The following POU2F2 variants were observed in gnomAD, a reference collection of about 807,000 sequenced individuals.
POU2F2 encodes the protein POU class 2 homeobox 2.
POU2F2 carries 14 observed loss-of-function variants against 63.5 expected under a neutral mutation model. The observed-to-expected ratio is 0.22, with a 90% CI of 0.15 to 0.34. POU2F2 has a LOEUF of 0.34. POU2F2 is among the 10% of genes least tolerant of loss of function. The pLI is 1.00. For missense variants in POU2F2, 607 were observed against 815.2 expected (o/e 0.74, Z 3.11); for synonymous variants, 306 against 348.6 (o/e 0.88, Z 1.36).
At chr19:42,148,453 T>C (rs980622940) in intron 2 of POU2F2, among the ~76,000 whole-genome samples, 1 of 152,150 alleles carries the variant, frequency 6.6e-6, no homozygotes, top group African/African-American at 2.4e-5. Context: ...GGGATCTCTC[T>C]AACACAGAGA....
chr19:42,102,349 T>A (rs898800812), intron 5 of POU2F2, among the ~76,000 whole-genome samples: 1 of 152,234 alleles, frequency 6.6e-6, no homozygotes, highest in Non-Finnish European at 1.5e-5. Flanking sequence ...AGGGGGCTTC[T>A]GGGAGCTGGC....
intron 5 of POU2F2, chr19:42,116,886 GGCGGCGGCAGCGGCGTTAGCGGCA>G (rs2031962944): frequency 8.5e-6 from 4 of 471,258 alleles, no homozygotes; most frequent in African/African-American, 2.0e-5. Flanking sequence ...AGGCGGCGGC[GGCGGCGGCAGCGGCGTTAGCGGCA>G]GCGGCGGCAC....
chr19:42,142,278 C>T (rs1455514268), intron 2 of POU2F2, among the ~76,000 whole-genome samples: 9 of 152,112 alleles, frequency 5.9e-5, no homozygotes, highest in South Asian at 4.2e-4. Flanking sequence ...GCAACCTCTG[C>T]CTCCCGGGTT....
intron 2 of POU2F2, among the ~76,000 whole-genome samples, chr19:42,144,679 G>A (rs1599660390): frequency 6.6e-6 from 1 of 152,254 alleles, no homozygotes. Context: ...GCAGGCATAT[G>A]TTATGTGTAT....
In POU2F2 at chr19:42,096,440, C is replaced by T. The variant is rs148642440; in HGVS notation, c.568-197G>A. On this transcript the variant is annotated intron_variant, in intron 7 of 14. Coordinates refer to ENST00000692977, the MANE Select transcript of POU2F2 (RefSeq NM_001394376.1). The surrounding 1 kb of genome is among the most constrained non-coding windows in gnomAD (Gnocchi z 4.1). ...ATGCACTGTTAATCCCTTTAAAGGTCCGACTCTGCTGCCCTACATGGGTTT... is the reference window on the plus strand; with the variant it reads ...ATGCACTGTTAATCCCTTTAAAGGTTCGACTCTGCTGCCCTACATGGGTTT... Among the ~76,000 whole-genome samples the T allele has an allele frequency of 3.8e-4, 58 of 152,356 alleles. No homozygotes were observed. The highest frequency in any genetic ancestry group is 1.1e-3 in the African/African-American group (47 of 41,578).
chr19:42,092,369 G>T lies in POU2F2; in HGVS notation c.1265-99C>A. ...CTACTTGTCCTCCCGCCCAGCTCACGCAGCATCTCCTCAGTCAGAACAGCC... is the reference window on the plus strand; with the variant it reads ...CTACTTGTCCTCCCGCCCAGCTCACTCAGCATCTCCTCAGTCAGAACAGCC... On this transcript the variant is annotated intron_variant, in intron 12 of 14. Transcript: ENST00000692977. This position sits in a 1 kb window ranked among gnomAD's most constrained non-coding sequence, Gnocchi z 5.0. 1 of 905,626 alleles carries T rather than the reference G, an allele frequency of 1.1e-6. No homozygotes were observed. Among genetic ancestry groups the T allele is most frequent in the Non-Finnish European group, 1.8e-6 (1 of 562,774 alleles). The allele number at this position is 905,626 out of a possible 1,614,324, so 56.1% of individuals were successfully genotyped here.
At chr19:42,174,950 G>C (rs1392829951) in intron 1 of POU2F2, among the ~76,000 whole-genome samples, 3 of 152,212 alleles carry the variant, frequency 2.0e-5, no homozygotes, top group Non-Finnish European at 4.4e-5. Flanking sequence ...AGAAAGTGGG[G>C]AGTGGTCATC....
chr19:42,087,972 G>A lies in POU2F2; in HGVS notation c.*3285C>T, dbSNP rs911057289. On this transcript the variant is annotated 3_prime_UTR_variant, in exon 15 of 15. Coordinates refer to ENST00000692977, the MANE Select transcript of POU2F2 (RefSeq NM_001394376.1). Reference sequence around the variant, plus strand: ...ACCAGAGTGTAAGGGGCAGATGGGGGTGGGGGGCATGAATTCCCCCATCAC... The same window carrying A: ...ACCAGAGTGTAAGGGGCAGATGGGGATGGGGGGCATGAATTCCCCCATCAC... 5.2e-5 allele frequency: 8 copies of A among 152,388 alleles called. No homozygotes were observed. The East Asian group carries it at 1.5e-3, about 29-fold the overall frequency. The allele number at this position is 152,388 out of a possible 1,614,324, so 9.4% of individuals were successfully genotyped here.
intron 2 of POU2F2, among the ~76,000 whole-genome samples, chr19:42,151,873 A>G (rs1267583723): frequency 6.6e-6 from 1 of 152,228 alleles, no homozygotes; most frequent in Non-Finnish European, 1.5e-5. Flanking sequence ...GGAGGAAGCC[A>G]GAAGAGAAAA....
At chr19:42,125,907 G>T (rs1190088155) in intron 1 of POU2F2, among the ~76,000 whole-genome samples, 1 of 152,140 alleles carries the variant, frequency 6.6e-6, no homozygotes, top group Non-Finnish European at 1.5e-5. Flanking sequence ...CTCCCACCTA[G>T]CTGGGCATCC....
rs2076651871 is a variant in POU2F2, at chr19:42,089,641, C to CG, written c.*1615dup. The CG allele has an allele frequency of 6.6e-6, 1 of 151,694 alleles. No homozygotes were observed. Among genetic ancestry groups the CG allele is most frequent in the South Asian group, 2.1e-4 (1 of 4,792 alleles). 9.4% of individuals were successfully genotyped at this position (151,694 alleles called of 1,614,324 possible). On this transcript the variant is annotated 3_prime_UTR_variant, in exon 15 of 15. Transcript: ENST00000692977. ...CTTGGGGAACAAGGGCCTGGACCACCGGTGCAGGGGCTTGGCTCCGCCTCG... is the reference window on the plus strand; with the variant it reads ...CTTGGGGAACAAGGGCCTGGACCACCGGGTGCAGGGGCTTGGCTCCGCCTCG...
intron 1 of POU2F2, among the ~76,000 whole-genome samples, chr19:42,185,171 A>T (rs1291834523): frequency 1.3e-5 from 2 of 152,176 alleles, no homozygotes; most frequent in Admixed American, 1.3e-4. Context: ...GCTTTTTCTT[A>T]CAAAATGGGA....
Position 42,119,036 on chromosome 19 carries a change from C to T in POU2F2, c.187-1604G>A, listed in dbSNP as rs146365877. 5.3e-5 allele frequency among the ~76,000 whole-genome samples: 8 copies of T among 151,852 alleles called. No individual in the cohort carries two copies. The East Asian group carries it at 7.7e-4, about 15-fold the overall frequency. ...AAGTGTGGTGGTTCATGCCTGTAAT[C>T]GCAGCATTTTGGGAGGCTGAGGCAG... On this transcript the variant is annotated intron_variant, in intron 4 of 14. Transcript: ENST00000692977.
intron 2 of POU2F2, among the ~76,000 whole-genome samples, chr19:42,145,802 C>T: frequency 6.6e-6 from 1 of 152,116 alleles, no homozygotes; most frequent in Non-Finnish European, 1.5e-5. Context: ...GGCATGGTGG[C>T]ACACACCTGT....
intron 1 of POU2F2, among the ~76,000 whole-genome samples, chr19:42,124,618 A>T (rs1242687159): frequency 6.6e-6 from 1 of 152,238 alleles, no homozygotes; most frequent in Non-Finnish European, 1.5e-5. Context: ...CATGGGCAGA[A>T]TTCTTCTGCA....
At chr19:42,181,909 C>T (rs577006143) in intron 1 of POU2F2, among the ~76,000 whole-genome samples, 1 of 152,138 alleles carries the variant, frequency 6.6e-6, no homozygotes, top group African/African-American at 2.4e-5. Flanking sequence ...TAGATAGATG[C>T]ATTTGTTCAT....
At chr19:42,091,624 C>T in intron 14 of POU2F2, 33 bp from the exon 15 acceptor site, 1 of 1,540,300 alleles carries the variant, frequency 6.5e-7, no homozygotes, top group Non-Finnish European at 8.8e-7. Flanking sequence ...GGGCTAAGGG[C>T]ATGCCGGGCC....
At chr19:42,195,623 C>T (rs1161545803) in intron 1 of POU2F2, among the ~76,000 whole-genome samples, 9 of 151,174 alleles carry the variant, frequency 6.0e-5, no homozygotes, top group Non-Finnish European at 1.3e-4. Context: ...TGAGCCACCG[C>T]GCCTGGCCCC....
upstream of POU2F2, among the ~76,000 whole-genome samples, chr19:42,176,287 T>C (rs2034878334): frequency 2.0e-5 from 3 of 152,186 alleles, no homozygotes; most frequent in Admixed American, 6.5e-5. Flanking sequence ...TCAGTGGCCC[T>C]GGTTGCGATG....
Sources: allele counts gnomAD v4.1 joint callset (sites outside exome capture counted in the v4.1 genomes callset), GRCh38; gene constraint gnomAD v4.1.1; non-coding constraint Gnocchi (gnomAD v3.1); transcripts MANE v1.5; gene names NCBI Gene and HGNC (gene_info 2026-07-23, HGNC 2026-07-21).